Variants in DYM observed in about 807,000 individuals in gnomAD.
The protein encoded by DYM is dyggve-Melchior-Clausen syndrome protein.
A neutral mutation model predicts 93.1 loss-of-function variants in DYM; 78 were observed. That is an observed-to-expected ratio of 0.84 (90% CI 0.70 to 1.01). The LOEUF is 1.01. DYM is among the 50% of genes least tolerant of loss of function. The probability of loss-of-function intolerance (pLI) is 0.00; values close to 1 mark genes in which losing one functional copy is unlikely to be tolerated. For missense variants in DYM, 789 were observed against 845.0 expected, an observed-to-expected ratio of 0.93 and a Z score of 0.82; for synonymous variants, 321 against 319.7, an observed-to-expected ratio of 1.00 and a Z score of -0.04.
intron 17 of DYM, among the ~76,000 whole-genome samples, chr18:49,058,359 G>C (rs935065480): frequency 3.5e-5 from 5 of 141,162 alleles, no homozygotes; most frequent in African/African-American, 1.3e-4. Flanking sequence ...TTGCTCTGTT[G>C]CTCAGGCTAG....
intron 13 of DYM, among the ~76,000 whole-genome samples, chr18:49,236,487 A>ATAAATAAAT (rs1555652859): frequency 2.0e-5 from 3 of 149,118 alleles, no homozygotes; most frequent in Admixed American, 6.8e-5. Context: ...CTCAAAAAAA[A>ATAAATAAAT]AAATAAATAA....
chr18:49,255,269 T>G lies in DYM; in HGVS notation c.1460+1741A>C, dbSNP rs537883506. ...ACAAAACTGAATGGTCAAAACCACA[T>G]GCCCAGACTGAGGCAGGAGGATCCC... On this transcript the variant is annotated intron_variant, in intron 13 of 17. Transcript: ENST00000675505. Among the ~76,000 whole-genome samples, 3 of 152,294 alleles carry G rather than the reference T, an allele frequency of 2.0e-5. No individual in the cohort carries two copies. In the South Asian group the frequency reaches 6.2e-4, roughly 32 times the overall value.
chr18:49,323,111 GTT>G (rs2062622707), intron 8 of DYM, among the ~76,000 whole-genome samples: 1 of 152,066 alleles, frequency 6.6e-6, no homozygotes, highest in Non-Finnish European at 1.5e-5. Context: ...AGAATAACGT[GTT>G]TCAATCACAG....
At chr18:49,105,243 C>T (rs541829310) in intron 16 of DYM, among the ~76,000 whole-genome samples, 33 of 152,230 alleles carry the variant, frequency 2.2e-4, no homozygotes, top group African/African-American at 4.3e-4. Context: ...TCTGTGGGAT[C>T]GGTGGTAATA....
intron 15 of DYM, among the ~76,000 whole-genome samples, chr18:49,133,433 G>T (rs2083553572): frequency 6.6e-6 from 1 of 152,162 alleles, no homozygotes; most frequent in Non-Finnish European, 1.5e-5. Context: ...TCACAGTTCT[G>T]CAGACATTCA....
chr18:49,074,384 C>T (rs2077132656), intron 17 of DYM, among the ~76,000 whole-genome samples: 1 of 152,062 alleles, frequency 6.6e-6, no homozygotes, highest in Admixed American at 6.6e-5. Flanking sequence ...TACAAATACA[C>T]TATTTTATAT....
At chr18:49,374,151 GTTAAA>G (rs2067279748) in intron 5 of DYM, among the ~76,000 whole-genome samples, 1 of 152,170 alleles carries the variant, frequency 6.6e-6, no homozygotes, top group Non-Finnish European at 1.5e-5. Flanking sequence ...TTTGGGAATA[GTTAAA>G]TTAATTAGAT....
chr18:49,410,717 G>C (rs2072148425), intron 2 of DYM, among the ~76,000 whole-genome samples: 1 of 151,622 alleles, frequency 6.6e-6, no homozygotes. Context: ...GAGCCCTGGA[G>C]GTGGAGGCTG....
intron 8 of DYM, among the ~76,000 whole-genome samples, chr18:49,301,516 G>A (rs769572954): frequency 1.0e-4 from 14 of 134,670 alleles, no homozygotes; most frequent in Non-Finnish European, 1.9e-4. Context: ...GTGAGACTCC[G>A]TCTCAGAAAA....
chr18:49,305,111 T>C (rs1165514429), intron 8 of DYM, among the ~76,000 whole-genome samples: 1 of 152,168 alleles, frequency 6.6e-6, no homozygotes, highest in Non-Finnish European at 1.5e-5. Context: ...GCCATCTCCA[T>C]GTCCTCACTT....
At chr18:49,067,210 GCAC>G (rs1568365800) in intron 17 of DYM, among the ~76,000 whole-genome samples, 25 of 44,528 alleles carry the variant, frequency 5.6e-4, no homozygotes, top group South Asian at 7.7e-4. Flanking sequence ...GGTGATGTGA[GCAC>G]TATGCAGGTT....
chr18:49,280,624 C>T (rs1020624109), intron 10 of DYM, among the ~76,000 whole-genome samples: 7 of 152,114 alleles, frequency 4.6e-5, no homozygotes, highest in East Asian at 1.9e-4. Context: ...CAGCCAGGGA[C>T]GCTGCGGTGT....
At chr18:49,332,101 T>C (rs757660154) in intron 7 of DYM, 95 bp from the exon 8 acceptor site, 63 of 1,276,388 alleles carry the variant, frequency 4.9e-5, no homozygotes, top group Non-Finnish European at 6.6e-5. Flanking sequence ...TAACACTATC[T>C]GTTAATACAA....
At chr18:49,219,355 G>A (rs1228999912) in intron 13 of DYM, among the ~76,000 whole-genome samples, 1 of 152,208 alleles carries the variant, frequency 6.6e-6, no homozygotes, top group Non-Finnish European at 1.5e-5. Flanking sequence ...CATTCCTTCA[G>A]AAACTATTCC....
chr18:49,226,730 T>C lies in DYM; in HGVS notation c.1461-17015A>G, dbSNP rs188051856. On this transcript the variant is annotated intron_variant, in intron 13 of 17. Coordinates refer to ENST00000675505, the MANE Select transcript of DYM (RefSeq NM_001353214.3). ...TTACATTTTGAAAGAAGCATTTCAA[T>C]GTCATTATGTTCCTCTTTGTACCAA... Among the ~76,000 whole-genome samples the C allele has an allele frequency of 2.5e-3, 387 of 152,268 alleles. 2 individuals are homozygous for C. Among genetic ancestry groups the C allele is most frequent in the African/African-American group, 8.8e-3 (364 of 41,570 alleles).
chr18:49,196,766 G>A (rs2091494626), intron 14 of DYM, among the ~76,000 whole-genome samples: 1 of 152,134 alleles, frequency 6.6e-6, no homozygotes, highest in Non-Finnish European at 1.5e-5. Flanking sequence ...TCACTAAAGG[G>A]TTGAGCAAGG....
intron 17 of DYM, among the ~76,000 whole-genome samples, chr18:49,046,981 C>G (rs1303742312): frequency 6.6e-6 from 1 of 152,118 alleles, no homozygotes; most frequent in Admixed American, 6.5e-5. Flanking sequence ...CTTCAGAGTT[C>G]CAGAATGATC....
intron 2 of DYM, among the ~76,000 whole-genome samples, chr18:49,409,803 G>A (rs1485356328): frequency 2.0e-5 from 3 of 152,150 alleles, no homozygotes; most frequent in Admixed American, 1.3e-4. Flanking sequence ...TTTACAATAT[G>A]TTGGTCAATT....
chr18:49,420,644 T>C (rs982220908), intron 2 of DYM, among the ~76,000 whole-genome samples: 1 of 152,134 alleles, frequency 6.6e-6, no homozygotes, highest in African/African-American at 2.4e-5. Flanking sequence ...ACCTGGTTCA[T>C]CTCACTGGGG....
Sources: allele counts gnomAD v4.1 joint callset (sites outside exome capture counted in the v4.1 genomes callset), GRCh38; gene constraint gnomAD v4.1.1; transcripts MANE v1.5; gene names NCBI Gene and HGNC (gene_info 2026-07-23, HGNC 2026-07-21).